The following CTNNA3 variants were observed in gnomAD, a reference collection of about 807,000 sequenced individuals.
CTNNA3 encodes the protein catenin alpha-3.
A neutral mutation model predicts 95.7 loss-of-function variants in CTNNA3; 76 were observed. The ratio of observed to expected loss-of-function variants is 0.79; its 90% CI spans 0.66 to 0.96. The LOEUF is 0.96. Among genes scored for constraint, CTNNA3 ranks in the 40% least tolerant of loss-of-function variants. The probability of loss-of-function intolerance (pLI) is 0.00; values close to 1 mark genes in which losing one functional copy is unlikely to be tolerated. For missense variants in CTNNA3, 1,191 were observed against 1,089.8 expected, an observed-to-expected ratio of 1.09 and a Z score of -1.31; for synonymous variants, 431 against 374.4, an observed-to-expected ratio of 1.15 and a Z score of -1.74.
chr10:66,909,251 A>G (rs1177559854), intron 7 of CTNNA3, among the ~76,000 whole-genome samples: 1 of 152,154 alleles, frequency 6.6e-6, no homozygotes, highest in Non-Finnish European at 1.5e-5. Flanking sequence ...GCGGTGGCTC[A>G]TTCCTGTATT....
intron 11 of CTNNA3, among the ~76,000 whole-genome samples, chr10:66,508,180 GTTTT>G (rs761851664): frequency 1.1e-4 from 13 of 114,672 alleles, no homozygotes; most frequent in Non-Finnish European, 1.2e-4. Flanking sequence ...AGCAGCTCTT[GTTTT>G]TTTTTTTTGT....
chr10:67,439,326 T>C (rs921879416), intron 5 of CTNNA3, among the ~76,000 whole-genome samples: 2 of 152,122 alleles, frequency 1.3e-5, no homozygotes, highest in African/African-American at 4.8e-5. Flanking sequence ...AATTGGCTCA[T>C]GGTTCTGCCA....
At chr10:66,097,063 C>T (rs896238886) in intron 14 of CTNNA3, among the ~76,000 whole-genome samples, 9 of 152,146 alleles carry the variant, frequency 5.9e-5, no homozygotes, top group African/African-American at 2.2e-4. Flanking sequence ...TTCTAGCTTA[C>T]TTTTGTGAAT....
chr10:67,720,619 A>C (rs1453238149), intron 1 of CTNNA3, among the ~76,000 whole-genome samples: 1 of 152,078 alleles, frequency 6.6e-6, no homozygotes, highest in African/African-American at 2.4e-5. Context: ...TATGAAGCTT[A>C]GGTTGGCTAG....
chr10:66,775,571 T>C (rs775862367), intron 7 of CTNNA3, 47 bp from the exon 8 acceptor site: 8 of 1,339,776 alleles, frequency 6.0e-6, no homozygotes, highest in African/African-American at 1.5e-5. Context: ...AATTAATCTT[T>C]ATCACTTAGC....
At chr10:67,692,758 AG>A (rs1840893345) in intron 1 of CTNNA3, among the ~76,000 whole-genome samples, 1 of 149,676 alleles carries the variant, frequency 6.7e-6, no homozygotes, top group Non-Finnish European at 1.5e-5. Flanking sequence ...AAAAAAAAAA[AG>A]TCTTGCTACA....
intron 7 of CTNNA3, among the ~76,000 whole-genome samples, chr10:67,008,682 C>G (rs1469397470): frequency 6.6e-6 from 1 of 152,088 alleles, no homozygotes; most frequent in African/African-American, 2.4e-5. Flanking sequence ...TTTAGAAGCC[C>G]CAGCTAGGAT....
intron 7 of CTNNA3, among the ~76,000 whole-genome samples, chr10:67,162,933 C>A (rs1368008592): frequency 6.6e-6 from 1 of 151,808 alleles, no homozygotes; most frequent in Non-Finnish European, 1.5e-5. Context: ...ACAACTAACT[C>A]AATATGCAAC....
chr10:66,580,534 T>C (rs1045994143), intron 10 of CTNNA3, among the ~76,000 whole-genome samples: 1 of 151,796 alleles, frequency 6.6e-6, no homozygotes, highest in Non-Finnish European at 1.5e-5. Context: ...GAAATCTTTG[T>C]AAGATAATTC....
intron 13 of CTNNA3, among the ~76,000 whole-genome samples, chr10:66,152,531 T>G (rs544782149): frequency 6.6e-6 from 1 of 152,066 alleles, no homozygotes; most frequent in East Asian, 1.9e-4. Context: ...GTATTCTGAA[T>G]TCACTGTATC....
intron 7 of CTNNA3, among the ~76,000 whole-genome samples, chr10:66,999,330 T>C (rs1283082832): frequency 6.6e-6 from 1 of 152,168 alleles, no homozygotes; most frequent in Non-Finnish European, 1.5e-5. Context: ...TCTGAAATTA[T>C]CATGGGCCTT....
intron 12 of CTNNA3, among the ~76,000 whole-genome samples, chr10:66,298,956 C>T (rs1372572865): frequency 6.6e-6 from 1 of 152,158 alleles, no homozygotes; most frequent in African/African-American, 2.4e-5. Context: ...TCCCATTCTA[C>T]TTGAAGTCAT....
At chr10:67,757,264 AG>A (rs1841438179) in intron 1 of CTNNA3, among the ~76,000 whole-genome samples, 1 of 152,230 alleles carries the variant, frequency 6.6e-6, no homozygotes. Flanking sequence ...GTGTATTTAA[AG>A]GCATGGGCAT....
intron 9 of CTNNA3, among the ~76,000 whole-genome samples, chr10:66,717,127 C>T (rs1249470076): frequency 6.6e-6 from 1 of 151,978 alleles, no homozygotes; most frequent in Non-Finnish European, 1.5e-5. Flanking sequence ...AGTTTCCAGC[C>T]TGCCAACCTG....
Position 65,915,902 on chromosome 10 carries a change from T to C in CTNNA3, c.*4428A>G, listed in dbSNP as rs187308850. 2.0e-5 allele frequency: 3 copies of C among 152,340 alleles called. No homozygotes were observed. In the East Asian group the frequency reaches 5.8e-4, roughly 29 times the overall value. 9.4% of individuals were successfully genotyped at this position (152,340 alleles called of 1,614,324 possible). On this transcript the variant is annotated 3_prime_UTR_variant, in exon 18 of 18. Coordinates refer to ENST00000433211, the MANE Select transcript of CTNNA3 (RefSeq NM_013266.4). ...GTATTTAAAATTTTACTTCTTCTCT[T>C]TCTCTTTGAGATGACTAAGATAGCG...
intron 7 of CTNNA3, among the ~76,000 whole-genome samples, chr10:67,082,262 C>T (rs192890603): frequency 5.3e-5 from 8 of 152,172 alleles, no homozygotes; most frequent in South Asian, 4.1e-4. Flanking sequence ...TGGTTTTAAC[C>T]GCTGCTTGCT....
chr10:67,170,763 T>C (rs1270721738), intron 7 of CTNNA3, among the ~76,000 whole-genome samples: 1 of 151,942 alleles, frequency 6.6e-6, no homozygotes, highest in Non-Finnish European at 1.5e-5. Context: ...TACCCCTGTA[T>C]CTAAAAAAAG....
chr10:66,987,225 A>G (rs1850781441), intron 7 of CTNNA3, among the ~76,000 whole-genome samples: 1 of 152,134 alleles, frequency 6.6e-6, no homozygotes, highest in Non-Finnish European at 1.5e-5. Context: ...TTTTTCTCTG[A>G]ATGAAACGGG....
chr10:66,416,980 G>T (rs932742670), intron 11 of CTNNA3, among the ~76,000 whole-genome samples: 1 of 151,838 alleles, frequency 6.6e-6, no homozygotes, highest in Non-Finnish European at 1.5e-5. Flanking sequence ...CAAGAACAAA[G>T]AATATACAAA....
Sources: gnomAD v4.1 joint callset for allele counts (sites outside exome capture counted in the v4.1 genomes callset) on GRCh38, gnomAD v4.1.1 for gene constraint, MANE v1.5 for transcripts, NCBI Gene and HGNC (gene_info 2026-07-23, HGNC 2026-07-21) for gene names.